SMG7: variants seen among roughly 807,000 people sequenced by gnomAD.
The protein encoded by SMG7 is nonsense-mediated mRNA decay factor SMG7.
Under a neutral mutation model 148.2 loss-of-function variants are expected in SMG7, and 34 were observed. That is an observed-to-expected ratio of 0.23 (90% confidence interval 0.17 to 0.31). The LOEUF is 0.31. Among genes scored for constraint, SMG7 ranks in the 10% least tolerant of loss-of-function variants. The pLI is 1.00. For synonymous variants in SMG7, 492 were observed against 515.1 expected (o/e 0.96, Z 0.61); for missense variants, 1,114 against 1,408.4 (o/e 0.79, Z 3.35).
At position 183,542,329 on chromosome 1, in the gene SMG7, A is replaced by G; in HGVS notation, c.1669A>G (p.Asn557Asp). ...FKENIKTREV[N>D]RDQGRSFPPK... is the part of the protein sequence containing the mutation. ...AGAAAACATTAAGACACGAGAAGTG[A>G]ACAGAGACCAAGGAAGAAGTTTTCC... Residue 557 changes from asparagine (N) to aspartate (D), a missense_variant, in exon 14 of 23, where the codon AAC becomes GAC. By Grantham distance (23) the Asn-to-Asp change is conservative. Around this residue, in one of 4 missense-constraint regions of SMG7, gnomAD observed 788 missense variants for 894.5 expected, o/e 0.88. Coordinates refer to ENST00000688051, the MANE Select transcript of SMG7 (RefSeq NM_001375584.1). The G allele has an allele frequency of 6.2e-7, 1 of 1,614,176 alleles. No individual in the cohort carries two copies. The highest frequency in any genetic ancestry group is 1.7e-5 in the Admixed American group (1 of 60,020).
At chr1:183,546,454 T>C in intron 17 of SMG7, 117 bp downstream of exon 17, 3 of 1,063,064 alleles carry the variant, frequency 2.8e-6, no homozygotes, top group Non-Finnish European at 4.1e-6. Context: ...TACTATAGAA[T>C]GCCACTGAGT....
At chr1:183,532,739 GT>G (rs1667087883) in intron 8 of SMG7, among the ~76,000 whole-genome samples, 2 of 152,106 alleles carry the variant, frequency 1.3e-5, no homozygotes, top group African/African-American at 4.8e-5. Context: ...TGTACTGGGA[GT>G]TCAAAAAATT....
intron 1 of SMG7, among the ~76,000 whole-genome samples, chr1:183,474,506 G>A (rs1423574090): frequency 1.3e-5 from 2 of 152,368 alleles, no homozygotes; most frequent in East Asian, 1.9e-4. Flanking sequence ...AGAGGTTGCA[G>A]TGAGCCGAGA....
intron 1 of SMG7, among the ~76,000 whole-genome samples, chr1:183,480,544 G>A (rs184987402): frequency 6.6e-6 from 1 of 151,630 alleles, no homozygotes; most frequent in Non-Finnish European, 1.5e-5. Context: ...CCCCTCTCTT[G>A]TATCTGTCCT....
intron 16 of SMG7, 67 bp from the exon 17 acceptor site, chr1:183,545,899 C>A: frequency 1.3e-6 from 2 of 1,501,240 alleles, no homozygotes; most frequent in Non-Finnish European, 1.8e-6. Context: ...TTCTGTGATT[C>A]TTTAGCATTC....
At chr1:183,537,066 G>T in intron 10 of SMG7, 79 bp from the exon 11 acceptor site, 1 of 977,350 alleles carries the variant, frequency 1.0e-6, no homozygotes. Flanking sequence ...AGGACCTATA[G>T]ATACCATTTT....
intron 1 of SMG7, among the ~76,000 whole-genome samples, chr1:183,496,818 T>C (rs1172860965): frequency 2.6e-5 from 4 of 152,244 alleles, no homozygotes; most frequent in African/African-American, 7.2e-5. Context: ...TAATGATAGC[T>C]GATGAGCTTT....
chr1:183,547,326 T>G (rs775164571), intron 18 of SMG7, 74 bp downstream of exon 18: 34 of 1,328,868 alleles, frequency 2.6e-5, no homozygotes, highest in Non-Finnish European at 2.9e-5. Context: ...GTACACAGAT[T>G]AGGTGATTTC....
chr1:183,489,272 C>T (rs1056795099), intron 1 of SMG7, among the ~76,000 whole-genome samples: 2 of 152,110 alleles, frequency 1.3e-5, no homozygotes, highest in African/African-American at 4.8e-5. Context: ...CTGCTCTGCC[C>T]AGGTCTGGTC....
At chr1:183,535,555 T>C (rs1473154505) in intron 10 of SMG7, among the ~76,000 whole-genome samples, 1 of 152,188 alleles carries the variant, frequency 6.6e-6, no homozygotes, top group African/African-American at 2.4e-5. Flanking sequence ...CATTTATATC[T>C]TTTAAGTAAT....
chr1:183,516,509 T>G (rs1340412037), intron 3 of SMG7, among the ~76,000 whole-genome samples: 2 of 152,210 alleles, frequency 1.3e-5, no homozygotes, highest in Non-Finnish European at 2.9e-5. Context: ...CTTTTCCGCT[T>G]CTTCTTTCTA....
At chr1:183,508,212 G>A (rs1456709236) in intron 1 of SMG7, 2 of 790,560 alleles carry the variant, frequency 2.5e-6, no homozygotes, top group Non-Finnish European at 3.1e-6. Context: ...TTCTTCTTTG[G>A]AGACAAAGTC....
intron 1 of SMG7, among the ~76,000 whole-genome samples, chr1:183,486,094 G>T (rs1450326205): frequency 6.6e-6 from 1 of 152,016 alleles, no homozygotes; most frequent in African/African-American, 2.4e-5. Flanking sequence ...ATTTTCTCAG[G>T]TAAATGAGTA....
intron 1 of SMG7, among the ~76,000 whole-genome samples, chr1:183,477,485 C>CAT (rs1557935151): frequency 8.0e-5 from 10 of 125,150 alleles, no homozygotes; most frequent in Non-Finnish European, 1.8e-4. Context: ...CATATATACA[C>CAT]GTGTGTGCAT....
At chr1:183,509,224 C>G (rs905145887) in intron 1 of SMG7, among the ~76,000 whole-genome samples, 2 of 152,072 alleles carry the variant, frequency 1.3e-5, no homozygotes, top group African/African-American at 4.8e-5. Flanking sequence ...CCACGGCATT[C>G]GAGTATAAAA....
chr1:183,476,855 T>G (rs533980462), intron 1 of SMG7, among the ~76,000 whole-genome samples: 5 of 152,294 alleles, frequency 3.3e-5, no homozygotes, highest in African/African-American at 9.6e-5. Flanking sequence ...GTATTTTCTC[T>G]TTTGATTTAT....
At position 183,548,293 on chromosome 1, in the gene SMG7, G is replaced by T. The variant is rs145456874; in HGVS notation, c.2893-915G>T. 3.7e-3 allele frequency among the ~76,000 whole-genome samples: 561 copies of T among 152,252 alleles called. 1 individual carries two copies. The highest frequency in any genetic ancestry group is 0.013 in the African/African-American group (539 of 41,546). On this transcript the variant is annotated intron_variant, in intron 18 of 22. Coordinates refer to ENST00000688051, the MANE Select transcript of SMG7 (RefSeq NM_001375584.1). Reference sequence around the variant, plus strand: ...AGCAGTGCCATGGCTGAGCGCACAGGGATTGTGGAAGCTCAGCTGCTATAC... The same window carrying T: ...AGCAGTGCCATGGCTGAGCGCACAGTGATTGTGGAAGCTCAGCTGCTATAC...
At chr1:183,479,677 A>G (rs1172230667) in intron 1 of SMG7, among the ~76,000 whole-genome samples, 1 of 152,222 alleles carries the variant, frequency 6.6e-6, no homozygotes, top group African/African-American at 2.4e-5. Context: ...CTTATTGTAT[A>G]GAGCACAATT....
intron 1 of SMG7, among the ~76,000 whole-genome samples, chr1:183,476,903 G>C (rs1229605153): frequency 6.6e-6 from 1 of 152,150 alleles, no homozygotes; most frequent in Non-Finnish European, 1.5e-5. Context: ...TGACACCTCT[G>C]TTGAGTAAAA....
Sources: allele counts gnomAD v4.1 joint callset (sites outside exome capture counted in the v4.1 genomes callset), GRCh38; gene constraint gnomAD v4.1.1; regional missense constraint gnomAD v4.1.1; transcripts MANE v1.5; gene names NCBI Gene and HGNC (gene_info 2026-07-23, HGNC 2026-07-21).